Variants in CCDC158 observed in about 807,000 individuals in gnomAD.
CCDC158 encodes the protein coiled-coil domain-containing protein 158.
A neutral mutation model predicts 138.6 loss-of-function variants in CCDC158; 116 were observed. The ratio of observed to expected loss-of-function variants is 0.84; its 90% CI spans 0.72 to 0.98. The LOEUF (loss-of-function observed/expected upper bound fraction) is 0.98. Among genes scored for constraint, CCDC158 ranks in the 50% least tolerant of loss-of-function variants. The pLI is 0.00. For synonymous variants in CCDC158, 436 were observed against 442.4 expected, an observed-to-expected ratio of 0.99 and a Z score of 0.18; for missense variants, 1,265 against 1,306.1, an observed-to-expected ratio of 0.97 and a Z score of 0.48.
chr4:76,340,360 G>A (rs1201842656), intron 18 of CCDC158, among the ~76,000 whole-genome samples: 1 of 152,192 alleles, frequency 6.6e-6, no homozygotes, highest in African/African-American at 2.4e-5. Flanking sequence ...GGGAAGGAAT[G>A]GATCCGTCAC....
chr4:76,393,886 C>T (rs1195520815), intron 4 of CCDC158, among the ~76,000 whole-genome samples: 1 of 152,108 alleles, frequency 6.6e-6, no homozygotes, highest in East Asian at 1.9e-4. Context: ...AAGTGCTCAA[C>T]ATCACTGATC....
At chr4:76,383,542 T>C (rs1726480418) in intron 7 of CCDC158, 120 bp downstream of exon 7, 1 of 695,010 alleles carries the variant, frequency 1.4e-6, no homozygotes, top group Admixed American at 2.5e-5. Context: ...GAGTTTCCTA[T>C]AAACCTATAA....
intron 8 of CCDC158, among the ~76,000 whole-genome samples, chr4:76,380,562 T>C (rs28749227): frequency 0.029 from 4,487 of 152,274 alleles, 222 homozygotes; most frequent in African/African-American, 0.1. Flanking sequence ...CATATATATT[T>C]ACAAAGAGAT....
chr4:76,338,405 G>A (rs1177575605), intron 18 of CCDC158, among the ~76,000 whole-genome samples: 4 of 152,034 alleles, frequency 2.6e-5, no homozygotes, highest in African/African-American at 9.7e-5. Flanking sequence ...CCAGCTACTC[G>A]GGGGCCTGAG....
At chr4:76,392,388 T>A (rs148773982) in intron 4 of CCDC158, among the ~76,000 whole-genome samples, 2 of 152,166 alleles carry the variant, frequency 1.3e-5, no homozygotes, top group South Asian at 4.1e-4. Context: ...ATTATTTCAA[T>A]TGAGGCTGAA....
intron 20 of CCDC158, 108 bp from the exon 21 acceptor site, chr4:76,331,511 G>T: frequency 2.3e-6 from 2 of 851,966 alleles, no homozygotes; most frequent in Non-Finnish European, 4.0e-6. Flanking sequence ...GGGTGAAATG[G>T]TATCATCTGA....
At chr4:76,386,582 G>A (rs1186617555) in intron 4 of CCDC158, among the ~76,000 whole-genome samples, 2 of 152,218 alleles carry the variant, frequency 1.3e-5, no homozygotes, top group Non-Finnish European at 2.9e-5. Flanking sequence ...TCCTTGCTTT[G>A]TTTGTGTGTT....
chr4:76,401,639 G>A (rs1474560168), intron 3 of CCDC158: 3 of 160,288 alleles, frequency 1.9e-5, no homozygotes, highest in African/African-American at 7.2e-5. Context: ...AAGACAGGAG[G>A]TTGAATTTCA....
intron 22 of CCDC158, among the ~76,000 whole-genome samples, chr4:76,328,045 T>C (rs1164947420): frequency 6.6e-6 from 1 of 152,204 alleles, no homozygotes; most frequent in African/African-American, 2.4e-5. Flanking sequence ...TTTCTAAAAC[T>C]TTTTCCTCTG....
chr4:76,395,086 A>G (rs1727654999), intron 4 of CCDC158, among the ~76,000 whole-genome samples: 1 of 152,198 alleles, frequency 6.6e-6, no homozygotes, highest in South Asian at 2.1e-4. Flanking sequence ...TATTTATTGA[A>G]GGCCAATTAA....
chr4:76,331,394 G>A lies in CCDC158; in HGVS notation c.2892C>T (p.Asn964=). Residue 964 remains asparagine, a synonymous_variant, in exon 21 of 25, where the codon AAC becomes AAT. Coordinates refer to ENST00000682701, the MANE Select transcript of CCDC158 (RefSeq NM_001394954.1). ...LRSDMCHRSN[N]SLRDSTEGSK... ...TTCCTTCAGTGGAGTCCCTCAACGA[G>A]TTGTTGCTTCTGTTGGTAGAGGGAT... 6.2e-7 allele frequency: 1 copy of A among 1,613,808 alleles called. No homozygotes were observed. Among genetic ancestry groups the A allele is most frequent in the Non-Finnish European group, 8.5e-7 (1 of 1,179,746 alleles).
At chr4:76,364,595 C>A (rs1450596840) in intron 12 of CCDC158, among the ~76,000 whole-genome samples, 1 of 152,140 alleles carries the variant, frequency 6.6e-6, no homozygotes, top group East Asian at 1.9e-4. Flanking sequence ...TTTCACATTT[C>A]TTTTATGTGT....
chr4:76,328,944 C>T lies in CCDC158; in HGVS notation c.2966G>A (p.Gly989Glu), dbSNP rs746217529. ...GCAACCAGAGGGATCTTCCCTGTCT[C>T]CTGCGTGTAATGTGACTGGCTCTCT... is the stretch of plus-strand genomic sequence containing the variant. ...LSREPVTLHA[G>E]DREDPSGCFT... Residue 989 changes from glycine to glutamate, a missense_variant, in exon 22 of 25, where the codon GGA becomes GAA. Physicochemically the swap from Gly to Glu is moderately conservative, Grantham distance 98 (BLOSUM62 -2). Coordinates refer to ENST00000682701, the MANE Select transcript of CCDC158 (RefSeq NM_001394954.1). 2 of 1,613,874 alleles carry T rather than the reference C, an allele frequency of 1.2e-6. No homozygotes were observed. The highest frequency in any genetic ancestry group is 2.2e-5 in the South Asian group (2 of 91,068).
chr4:76,384,055 T>C (rs1332187162), intron 6 of CCDC158, 33 bp downstream of exon 6: 4 of 1,392,988 alleles, frequency 2.9e-6, no homozygotes, highest in East Asian at 2.4e-5. Flanking sequence ...CATTTTAATA[T>C]AAAATTATTT....
At chr4:76,334,271 G>A in intron 18 of CCDC158, 104 bp from the exon 19 acceptor site, 1 of 1,174,242 alleles carries the variant, frequency 8.5e-7, no homozygotes, top group South Asian at 1.7e-5. Flanking sequence ...GGAAAAGCAA[G>A]AAGAGGAAAA....
intron 1 of CCDC158, among the ~76,000 whole-genome samples, chr4:76,419,094 C>A (rs1415205697): frequency 6.6e-6 from 1 of 152,134 alleles, no homozygotes; most frequent in East Asian, 1.9e-4. Context: ...AAGGACAAAG[C>A]CTTTGCCACT....
intron 9 of CCDC158, among the ~76,000 whole-genome samples, chr4:76,374,756 A>G (rs1199121519): frequency 1.3e-5 from 2 of 152,254 alleles, no homozygotes; most frequent in East Asian, 3.9e-4. Flanking sequence ...TAATTTGTAT[A>G]TATGCTTTAA....
rs867700317 is a variant in CCDC158, at chr4:76,367,504, C to T, written c.1620G>A (p.Gly540=). The T allele has an allele frequency of 1.2e-6, 2 of 1,614,148 alleles. No individual in the cohort carries two copies. The highest frequency in any genetic ancestry group is 1.7e-6 in the Non-Finnish European group (2 of 1,180,028). ...LQELQHLKNE[G]DHLRNVQTEC... ...CTGTCTGCACATTTCTGAGATGATCCCCTTCATTTTTCAAGTGTTGCAGCT... is the reference window on the plus strand; with the variant it reads ...CTGTCTGCACATTTCTGAGATGATCTCCTTCATTTTTCAAGTGTTGCAGCT... The change falls in exon 12 of 25, where the codon GGG becomes GGA. Residue 540 remains glycine (G), a synonymous_variant. Transcript: ENST00000682701.
chr4:76,406,727 C>A (rs1728856030), intron 2 of CCDC158, among the ~76,000 whole-genome samples: 1 of 152,032 alleles, frequency 6.6e-6, no homozygotes, highest in Non-Finnish European at 1.5e-5. Context: ...TTCTATTAAA[C>A]AACTCTTGTG....
Sources: allele counts gnomAD v4.1 joint callset (sites outside exome capture counted in the v4.1 genomes callset), GRCh38; gene constraint gnomAD v4.1.1; transcripts MANE v1.5; gene names NCBI Gene and HGNC (gene_info 2026-07-23, HGNC 2026-07-21).